The following TBL3 variants were observed in gnomAD, a reference collection of about 807,000 sequenced individuals.
TBL3 encodes the protein transducin beta-like protein 3.
A neutral mutation model predicts 102.7 loss-of-function variants in TBL3; 71 were observed. The observed-to-expected ratio is 0.69, with a 90% CI of 0.57 to 0.84. The LOEUF (loss-of-function observed/expected upper bound fraction) is 0.84, where lower values mean the gene tolerates loss of function less well. TBL3 is among the 40% of genes least tolerant of loss of function. The pLI is 0.00. For missense variants in TBL3, 1,188 were observed against 1,098.5 expected (o/e 1.08, Z -1.15); for synonymous variants, 578 against 477.7 (o/e 1.21, Z -2.74).
At position 1,979,522 on chromosome 16, in the gene TBL3, G is replaced by C. The variant is rs142869246; in HGVS notation, c.*837G>C. ...TCTGCGCGGCTGCTCTCGTAGGCGC[G>C]GGAAGCACAGAACTGGGGACCTGGT... On this transcript the variant is annotated 3_prime_UTR_variant, in exon 22 of 22. Transcript: ENST00000568546. The C allele has an allele frequency of 6.2e-7, 1 of 1,611,124 alleles. No homozygotes were observed. Among genetic ancestry groups the C allele is most frequent in the African/African-American group, 1.3e-5 (1 of 75,002 alleles).
chr16:1,981,323 C>T lies in TBL3; in HGVS notation c.*2638C>T, dbSNP rs574789303. ...CAAGCCTGTGGGGTCCTTGTGGAGC[C>T]GCCCCAGCTGAGTCCTTTGCAGCTT... On this transcript the variant is annotated 3_prime_UTR_variant, in exon 22 of 22. Transcript: ENST00000568546. The T allele has an allele frequency of 4.9e-5, 71 of 1,452,740 alleles. No individual in the cohort carries two copies. The highest frequency in any genetic ancestry group is 4.5e-4 in the South Asian group (32 of 70,788). The allele number at this position is 1,452,740 out of a possible 1,614,324, so 90.0% of individuals were successfully genotyped here.
chr16:1,973,653 A>G (rs1338370303), intron 1 of TBL3, among the ~76,000 whole-genome samples: 1 of 152,112 alleles, frequency 6.6e-6, no homozygotes, highest in Non-Finnish European at 1.5e-5. Context: ...GGGAAGAGGT[A>G]TGCCAGACCT....
rs144691975 is a variant in TBL3, at chr16:1,974,981, C to T, written c.518C>T (p.Thr173Met). 7.3e-5 allele frequency: 117 copies of T among 1,608,428 alleles called. No individual in the cohort carries two copies. Among genetic ancestry groups the T allele is most frequent in the African/African-American group, 2.9e-4 (22 of 74,948 alleles). The change falls in exon 7 of 22, where the codon ACG becomes ATG. Residue 173 changes from threonine to methionine, a missense_variant. By Grantham distance (81) the Thr-to-Met change is moderately conservative. Transcript: ENST00000568546. Reference protein sequence around the residue: ...PTRLLLFSSATDAAIRVWSLQ... With the variant: ...PTRLLLFSSAMDAAIRVWSLQ... ...CGCCTGCTGCTCTTCTCCTCGGCCA[C>T]GGATGCCGCCATCCGCGTGTGGTCA...
At position 1,981,099 on chromosome 16, in the gene TBL3, C is replaced by A; in HGVS notation, c.*2414C>A. Reference sequence around the variant, plus strand: ...CCTATCCCTTGGGGCCACTAAGGACCCAGCCAGGTCTTACTTGGAGCCTCT... The same window carrying A: ...CCTATCCCTTGGGGCCACTAAGGACACAGCCAGGTCTTACTTGGAGCCTCT... On this transcript the variant is annotated 3_prime_UTR_variant, in exon 22 of 22. Transcript: ENST00000568546. 6.2e-7 allele frequency: 1 copy of A among 1,612,888 alleles called. No individual in the cohort carries two copies. Among genetic ancestry groups the A allele is most frequent in the Non-Finnish European group, 8.5e-7 (1 of 1,179,472 alleles).
rs2083382378 is a variant in TBL3 at position 1,974,383 on chromosome 16, A to T, written c.197A>T (p.Gln66Leu). The part of the protein sequence containing the change: ...AVLRSLEQED[Q>L]EDITAFDLSP... ...CACCACTCTTTCTCCTAGGAGGACC[A>T]GGAGGACATCACTGCCTTTGACCTC... Residue 66 changes from glutamine (Q) to leucine (L), a missense_variant, in exon 4 of 22, where the codon CAG becomes CTG. Physicochemically the swap from Gln to Leu is moderately radical, Grantham distance 113 (BLOSUM62 -2). Transcript: ENST00000568546. The T allele has an allele frequency of 6.2e-7, 1 of 1,610,352 alleles. No individual in the cohort carries two copies. Among genetic ancestry groups the T allele is most frequent in the Non-Finnish European group, 8.5e-7 (1 of 1,178,108 alleles).
Position 1,978,768 on chromosome 16 carries a change from A to C in TBL3, c.*83A>C, listed in dbSNP as rs2083429985. ...CTCCTGGCCGGCTCTGTCTCTCTGG[A>C]CTGCAGTCCAGCCCCCCACCCTGGC... On this transcript the variant is annotated 3_prime_UTR_variant, in exon 22 of 22. Coordinates refer to ENST00000568546, the MANE Select transcript of TBL3 (RefSeq NM_006453.3). 2.0e-6 allele frequency: 3 copies of C among 1,518,358 alleles called. No individual in the cohort carries two copies. Among genetic ancestry groups the C allele is most frequent in the Non-Finnish European group, 2.7e-6 (3 of 1,121,232 alleles). 94.1% of individuals were successfully genotyped at this position (1,518,358 alleles called of 1,614,324 possible).
rs1185862271 is a variant in TBL3 at position 1,975,370 on chromosome 16, C to G, written c.737C>G (p.Pro246Arg). 1 of 1,613,988 alleles carries G rather than the reference C, an allele frequency of 6.2e-7. No homozygotes were observed. Among genetic ancestry groups the G allele is most frequent in the South Asian group, 1.1e-5 (1 of 91,084 alleles). The change falls in exon 9 of 22, where the codon CCA (proline) becomes CGA (arginine). Residue 246 changes from proline (P) to arginine (R), a missense_variant. Pro to Arg is a moderately radical substitution (Grantham distance 103). Transcript: ENST00000568546. ...FESVEAAVLL[P>R]EEPVSQLGVK... ...AGCGTGGAGGCTGCTGTGCTGTTGC[C>G]AGAGGAGCCAGTGTCCCAGCTGGGT...
rs2083416338 is a variant in TBL3 at position 1,977,796 on chromosome 16, G to A, written c.1954G>A (p.Val652Ile). The A allele has an allele frequency of 3.9e-6, 6 of 1,556,386 alleles. No homozygotes were observed. Among genetic ancestry groups the A allele is most frequent in the South Asian group, 1.2e-5 (1 of 84,908 alleles). The change falls in exon 18 of 22, where the codon GTC (valine) becomes ATC (isoleucine). Residue 652 changes from valine (V) to isoleucine (I), a missense_variant. Val to Ile is a conservative substitution (Grantham distance 29, BLOSUM62 3). Coordinates refer to ENST00000568546, the MANE Select transcript of TBL3 (RefSeq NM_006453.3). ...EEQARQEEQV[V>I]RQQELDNLLH... Reference sequence around the variant, plus strand: ...GCAGGCCAGGCAAGAGGAGCAGGTGGTCAGGTAAGGCCAGGGCAGTGGCGC... The same window carrying A: ...GCAGGCCAGGCAAGAGGAGCAGGTGATCAGGTAAGGCCAGGGCAGTGGCGC...
Position 1,982,447 on chromosome 16 carries a change from G to A in TBL3, c.*3762G>A, listed in dbSNP as rs75866428. 1 of 152,124 alleles carries A rather than the reference G, an allele frequency of 6.6e-6. No individual in the cohort carries two copies. The highest frequency in any genetic ancestry group is 2.4e-5 in the African/African-American group (1 of 41,396). The allele number at this position is 152,124 out of a possible 1,614,324, so 9.4% of individuals were successfully genotyped here. ...CTGGAAGACAGGAGAAGCTGGGGAG[G>A]ATTTATTCACAAGCAGAGGCCTAGA... On this transcript the variant is annotated 3_prime_UTR_variant, in exon 22 of 22. Coordinates refer to ENST00000568546, the MANE Select transcript of TBL3 (RefSeq NM_006453.3).
At position 1,978,010 on chromosome 16, in the gene TBL3, G is replaced by C. The variant is rs1421470317; in HGVS notation, c.2011G>C (p.Gly671Arg). The change falls in exon 19 of 22, where the codon GGC becomes CGC. Residue 671 changes from glycine (G) to arginine (R), a missense_variant. By Grantham distance (125) the Gly-to-Arg change is moderately radical (BLOSUM62 -2). Coordinates refer to ENST00000568546, the MANE Select transcript of TBL3 (RefSeq NM_006453.3). Reference sequence around the variant, plus strand: ...TGAGAAGCGGTACCTGCGGGCGCTGGGCCTGGCCATCTCCCTGGATCGGCC... The same window carrying C: ...TGAGAAGCGGTACCTGCGGGCGCTGCGCCTGGCCATCTCCCTGGATCGGCC... ...LHEKRYLRAL[G>R]LAISLDRPHT... 6.2e-7 allele frequency: 1 copy of C among 1,607,748 alleles called. No homozygotes were observed. The highest frequency in any genetic ancestry group is 8.5e-7 in the Non-Finnish European group (1 of 1,176,966).
In TBL3 at chr16:1,979,758, T is replaced by A. The variant is rs528933783; in HGVS notation, c.*1073T>A. ...GTCTTGCCACACGGTCAAGCCGCAGTGGTGGCGTGAGGGGTGGGGTTAGGC... is the reference window on the plus strand; with the variant it reads ...GTCTTGCCACACGGTCAAGCCGCAGAGGTGGCGTGAGGGGTGGGGTTAGGC... On this transcript the variant is annotated 3_prime_UTR_variant, in exon 22 of 22. Transcript: ENST00000568546. 5 of 1,450,342 alleles carry A rather than the reference T, an allele frequency of 3.4e-6. No individual in the cohort carries two copies. The South Asian group carries it at 6.4e-5, about 19-fold the overall frequency. The allele number at this position is 1,450,342 out of a possible 1,614,324, so 89.8% of individuals were successfully genotyped here. A position where few individuals can be genotyped will look rare whatever the true frequency, so the allele number is the denominator to read the frequency against.
In TBL3 at chr16:1,979,490, C is replaced by T. The variant is rs746033445; in HGVS notation, c.*805C>T. 2 of 1,611,946 alleles carry T rather than the reference C, an allele frequency of 1.2e-6. No homozygotes were observed. Among genetic ancestry groups the T allele is most frequent in the Non-Finnish European group, 1.7e-6 (2 of 1,179,576 alleles). On this transcript the variant is annotated 3_prime_UTR_variant, in exon 22 of 22. Coordinates refer to ENST00000568546, the MANE Select transcript of TBL3 (RefSeq NM_006453.3). ...GCACGCGCGCCCCCGCGGGCACGGA[C>T]AGCTCATCTGCGCGGCTGCTCTCGT... is the stretch of plus-strand genomic sequence containing the variant.
Position 1,978,683 on chromosome 16 carries a change from T to TA in TBL3, c.2426dup (p.Ter809=). The TA allele has an allele frequency of 6.2e-7, 1 of 1,608,032 alleles. No individual in the cohort carries two copies. Among genetic ancestry groups the TA allele is most frequent in the South Asian group, 1.1e-5 (1 of 90,956 alleles). ...PWETHKGALP[*] Reference sequence around the variant, plus strand: ...GGAAACCCATAAAGGCGCACTGCCCTAGCCGGTCCGGCCTCTCTCCAGTCC... The same window carrying TA: ...GGAAACCCATAAAGGCGCACTGCCCTAAGCCGGTCCGGCCTCTCTCCAGTCC... Residue 809 remains the stop codon, a frameshift_variant and stop_retained_variant, in exon 22 of 22, where the codon TAG becomes TAAG. Coordinates refer to ENST00000568546, the MANE Select transcript of TBL3 (RefSeq NM_006453.3). LOFTEE classifies it high-confidence loss of function.
At position 1,974,920 on chromosome 16, in the gene TBL3, G is replaced by GC. The variant is rs766468285; in HGVS notation, c.465-5dup. On this transcript the variant is annotated splice_polypyrimidine_tract_variant and splice_region_variant and intron_variant, in intron 6 of 21. Transcript: ENST00000568546. ...ACAGCTCACCCATCCTGTCCCGTCC[G>GC]CCCACAGCCTAGTGGCCTTCCACCC... 2 of 1,611,868 alleles carry GC rather than the reference G, an allele frequency of 1.2e-6. No homozygotes were observed. Among genetic ancestry groups the GC allele is most frequent in the African/African-American group, 2.7e-5 (2 of 74,886 alleles).
Position 1,972,171 on chromosome 16 carries a change from G to C in TBL3, c.7G>C (p.Glu3Gln). Residue 3 changes from glutamate to glutamine, a missense_variant, in exon 1 of 22, where the codon GAG becomes CAG. Coordinates refer to ENST00000568546, the MANE Select transcript of TBL3 (RefSeq NM_006453.3). MA[E>Q]TAAGVGRFKT... ...GAGCGGCGGCGGCGGCAACATGGCA[G>C]AGACCGCGGCCGGAGTGGGCCGCTT... The C allele has an allele frequency of 6.9e-7, 1 of 1,447,626 alleles. No homozygotes were observed. Among genetic ancestry groups the C allele is most frequent in the Non-Finnish European group, 9.1e-7 (1 of 1,100,062 alleles). 89.7% of individuals were successfully genotyped at this position (1,447,626 alleles called of 1,614,324 possible).
In TBL3 at chr16:1,981,212, T is replaced by C; in HGVS notation, c.*2527T>C. On this transcript the variant is annotated 3_prime_UTR_variant, in exon 22 of 22. Transcript: ENST00000568546. ...GCTTCCAGGCTGCAGATTCCTGAAA[T>C]GGGCGAGGACCCTTCTGCCTCCCCG... 4 of 1,612,960 alleles carry C rather than the reference T, an allele frequency of 2.5e-6. No homozygotes were observed. The highest frequency in any genetic ancestry group is 2.7e-5 in the African/African-American group (2 of 75,024).
At chr16:1,974,353 C>T (rs753799132) in intron 3 of TBL3, 23 bp from the exon 4 acceptor site, 35 of 1,601,982 alleles carry the variant, frequency 2.2e-5, no homozygotes, top group South Asian at 1.3e-4. Flanking sequence ...ACACCGTGCT[C>T]GGCACACCAC....
At chr16:1,976,551 C>T (rs2083403423) in intron 13 of TBL3, among the ~76,000 whole-genome samples, 1 of 152,202 alleles carries the variant, frequency 6.6e-6, no homozygotes, top group Non-Finnish European at 1.5e-5. Flanking sequence ...GAGAGAATGA[C>T]CCTGCACGAG....
At chr16:1,975,742 T>C (rs1468943536) in intron 10 of TBL3, 32 bp downstream of exon 10, 2 of 1,612,908 alleles carry the variant, frequency 1.2e-6, no homozygotes, top group Non-Finnish European at 1.7e-6. Context: ...GTCTGGAGGC[T>C]GCGGGCACCA....
Sources: gnomAD v4.1 joint callset for allele counts (sites outside exome capture counted in the v4.1 genomes callset) on GRCh38, gnomAD v4.1.1 for gene constraint, MANE v1.5 for transcripts, NCBI Gene and HGNC (gene_info 2026-07-23, HGNC 2026-07-21) for gene names.